Variants in LDAH observed in about 807,000 individuals in gnomAD.
LDAH encodes lipid droplet associated hydrolase, also known as lipid droplet-associated hydrolase.
Under a neutral mutation model 29.6 loss-of-function variants are expected in LDAH, and 26 were observed. That is an observed-to-expected ratio of 0.88 (90% CI 0.64 to 1.22). The LOEUF (loss-of-function observed/expected upper bound fraction) is 1.22, where lower values mean the gene tolerates loss of function less well. Ranked by LOEUF, LDAH falls within the 50% of genes most tolerant of loss-of-function variation. The pLI is 0.00. For missense variants in LDAH, 344 were observed against 387.3 expected (o/e 0.89, Z 0.94); for synonymous variants, 117 against 133.0 (o/e 0.88, Z 0.83).
intron 4 of LDAH, among the ~76,000 whole-genome samples, chr2:20,741,805 CT>C (rs112454321): frequency 0.032 from 4,849 of 152,232 alleles, 262 homozygotes; most frequent in African/African-American, 0.11. Context: ...GACAAAACTT[CT>C]TTTTTAAGAC....
At chr2:20,789,478 A>T (rs1670794035) in intron 3 of LDAH, 1 of 1,310,364 alleles carries the variant, frequency 7.6e-7, no homozygotes, top group African/African-American at 1.5e-5. Context: ...TTGCTATAGC[A>T]GCCCAAACTG....
chr2:20,757,562 T>C (rs915614891), intron 4 of LDAH, among the ~76,000 whole-genome samples: 1 of 152,180 alleles, frequency 6.6e-6, no homozygotes. Flanking sequence ...TGATGGTCAA[T>C]TTTACATGTC....
In LDAH at chr2:20,696,947, T is replaced by C. The variant is rs372448913; in HGVS notation, c.786+4623A>G. ...CTCCCAACCCTTAAGCTGGGTTCCC[T>C]AATGATCAATCATTAGAAGTCTTCT... On this transcript the variant is annotated intron_variant, in intron 6 of 6. Transcript: ENST00000237822. Among the ~76,000 whole-genome samples, 228 of 152,246 alleles carry C rather than the reference T, an allele frequency of 1.5e-3. 4 individuals carry two copies. The South Asian group carries it at 0.044, about 29-fold the overall frequency.
At chr2:20,755,071 C>T (rs150141978) in intron 4 of LDAH, among the ~76,000 whole-genome samples, 134 of 151,056 alleles carry the variant, frequency 8.9e-4, no homozygotes, top group African/African-American at 3.1e-3. Flanking sequence ...GGATAAGGGG[C>T]AATAATATAT....
chr2:20,818,124 G>C (rs574689845), intron 1 of LDAH, among the ~76,000 whole-genome samples: 7 of 152,200 alleles, frequency 4.6e-5, no homozygotes, highest in Non-Finnish European at 1.0e-4. Context: ...AATATACTCT[G>C]TGAATTGTAT....
chr2:20,768,089 C>G (rs575298230), intron 4 of LDAH, among the ~76,000 whole-genome samples: 100 of 152,336 alleles, frequency 6.6e-4, no homozygotes, highest in African/African-American at 2.2e-3. Flanking sequence ...TAAAGCTCCT[C>G]TCTGTCTTGC....
intron 6 of LDAH, among the ~76,000 whole-genome samples, chr2:20,696,579 C>G (rs1238951682): frequency 1.3e-5 from 2 of 152,182 alleles, no homozygotes; most frequent in Non-Finnish European, 2.9e-5. Flanking sequence ...TAAGCCTGGG[C>G]CAAACGTGGT....
At chr2:20,762,351 T>A (rs1668745051) in intron 4 of LDAH, among the ~76,000 whole-genome samples, 1 of 152,162 alleles carries the variant, frequency 6.6e-6, no homozygotes, top group African/African-American at 2.4e-5. Flanking sequence ...TACATGGTCA[T>A]TATAAAGAAA....
chr2:20,813,284 AAT>A (rs765571192), intron 1 of LDAH, among the ~76,000 whole-genome samples: 7 of 152,182 alleles, frequency 4.6e-5, no homozygotes, highest in Admixed American at 1.3e-4. Context: ...ATTATACACA[AAT>A]ATATGTTAAG....
intron 3 of LDAH, among the ~76,000 whole-genome samples, chr2:20,785,979 T>C (rs1670520715): frequency 6.6e-6 from 1 of 152,224 alleles, no homozygotes; most frequent in South Asian, 2.1e-4. Flanking sequence ...CCCGATCTGA[T>C]ATTTCTAAAA....
At chr2:20,747,954 A>C (rs1442785526) in intron 4 of LDAH, among the ~76,000 whole-genome samples, 1 of 152,198 alleles carries the variant, frequency 6.6e-6, no homozygotes, top group East Asian at 1.9e-4. Flanking sequence ...ACCTTTATAT[A>C]TACTATATAT....
chr2:20,822,239 T>C (rs1558512681), intron 1 of LDAH, among the ~76,000 whole-genome samples: 1 of 152,126 alleles, frequency 6.6e-6, no homozygotes, highest in African/African-American at 2.4e-5. Context: ...ATTCTCCTGC[T>C]TCAGTCTCCC....
chr2:20,757,078 G>A (rs2124933738), intron 4 of LDAH, among the ~76,000 whole-genome samples: 1 of 152,198 alleles, frequency 6.6e-6, no homozygotes, highest in Non-Finnish European at 1.5e-5. Flanking sequence ...AGTTGGGAAA[G>A]TTTTTTAAAG....
At chr2:20,788,989 G>C (rs1670749775) in intron 3 of LDAH, 3 of 779,278 alleles carry the variant, frequency 3.8e-6, no homozygotes, top group Non-Finnish European at 6.1e-6. Context: ...ATGGAGTCCT[G>C]GCTCTCTCTC....
chr2:20,793,933 T>G (rs1671135566), intron 2 of LDAH, among the ~76,000 whole-genome samples: 1 of 151,996 alleles, frequency 6.6e-6, no homozygotes, highest in African/African-American at 2.4e-5. Context: ...TATCAAACAT[T>G]TAAGGAAGAA....
intron 5 of LDAH, among the ~76,000 whole-genome samples, chr2:20,710,606 G>GTATATATATATATATATATATATATATA (rs1467339981): frequency 7.6e-6 from 1 of 131,872 alleles, no homozygotes; most frequent in African/African-American, 2.8e-5. Context: ...GTGTGTGTGT[G>GTATATATATATATATATATATATATATA]TATATATATA....
chr2:20,814,491 C>T (rs187418791), intron 1 of LDAH, among the ~76,000 whole-genome samples: 1 of 152,136 alleles, frequency 6.6e-6, no homozygotes, highest in East Asian at 1.9e-4. Context: ...GATAGGATCT[C>T]ACTTTGTCAC....
chr2:20,742,221 G>A (rs1361778451), intron 4 of LDAH, among the ~76,000 whole-genome samples: 2 of 152,152 alleles, frequency 1.3e-5, no homozygotes, highest in African/African-American at 4.8e-5. Context: ...CCATAATGTG[G>A]TCTATCTTGG....
intron 4 of LDAH, among the ~76,000 whole-genome samples, chr2:20,742,793 CTTTT>C (rs71391767): frequency 4.4e-5 from 5 of 114,392 alleles, no homozygotes; most frequent in Non-Finnish European, 7.4e-5. Context: ...TTTCTTTTTC[CTTTT>C]TTTTTTTTTT....
Sources: allele counts gnomAD v4.1 joint callset (sites outside exome capture counted in the v4.1 genomes callset), GRCh38; gene constraint gnomAD v4.1.1; transcripts MANE v1.5; gene names NCBI Gene and HGNC (gene_info 2026-07-23, HGNC 2026-07-21).